The following D2HGDH variants were observed in gnomAD, a reference collection of about 807,000 sequenced individuals.
The protein encoded by D2HGDH is D-2-hydroxyglutarate dehydrogenase.
Under a neutral mutation model 46.9 loss-of-function variants are expected in D2HGDH, and 31 were observed. The ratio of observed to expected loss-of-function variants is 0.66; its 90% CI spans 0.50 to 0.89. The LOEUF (loss-of-function observed/expected upper bound fraction) is 0.89. Ranked by LOEUF, D2HGDH falls within the 40% of genes least tolerant of loss-of-function variation. The pLI is 0.00. For missense variants in D2HGDH, 698 were observed against 720.8 expected (o/e 0.97, Z 0.36); for synonymous variants, 364 against 332.6 (o/e 1.09, Z -1.03).
At chr2:241,755,258 C>A (rs1257049024) in intron 8 of D2HGDH, 1 of 1,226,766 alleles carries the variant, frequency 8.2e-7, no homozygotes. Flanking sequence ...CCCACCATGT[C>A]CTTCCCTCCC....
At position 241,758,767 on chromosome 2, in the gene D2HGDH, A is replaced by ATGTGTGTGTG. The variant is rs768590214; in HGVS notation, c.1306+2754_1306+2755insGTGTGTGTGT. ...TCTATACCGCCCCCCGCCCCACAAT[A>ATGTGTGTGTG]TATGTGTGTGTGTGTGTGTGTGTGT... On this transcript the variant is annotated intron_variant, in intron 9 of 9. Coordinates refer to ENST00000321264, the MANE Select transcript of D2HGDH (RefSeq NM_152783.5). Among the ~76,000 whole-genome samples the ATGTGTGTGTG allele has an allele frequency of 9.0e-3, 957 of 106,086 alleles. 5 individuals are homozygous for ATGTGTGTGTG. The highest frequency in any genetic ancestry group is 0.025 in the East Asian group (87 of 3,450). The allele number at this position is 106,086 out of a possible 152,430, so 69.6% of individuals were successfully genotyped here. A position where few individuals can be genotyped will look rare whatever the true frequency, so the allele number is the denominator to read the frequency against.
chr2:241,763,136 G>A (rs577229101), intron 9 of D2HGDH, among the ~76,000 whole-genome samples: 2 of 152,218 alleles, frequency 1.3e-5, no homozygotes, highest in Non-Finnish European at 2.9e-5. Context: ...GGTGCAGGCC[G>A]CCGTTGCTCG....
rs577896199 is a variant in D2HGDH, at chr2:241,751,252, C to A, written c.1004C>A (p.Pro335Gln). 26 of 1,613,892 alleles carry A rather than the reference C, an allele frequency of 1.6e-5. No homozygotes were observed. The highest frequency in any genetic ancestry group is 2.0e-5 in the Non-Finnish European group (24 of 1,180,034). ...LHLASPVQES[P>Q]FYVLIETSGS... is the part of the protein sequence containing the mutation. ...CTTCCTTGCTCACTTCTAGAGAGTC[C>A]GTTTTACGTCCTCATCGAGACTTCA... The change falls in exon 8 of 10, where the codon CCG (proline) becomes CAG (glutamine). Residue 335 changes from proline to glutamine, a missense_variant. Physicochemically the swap from Pro to Gln is moderately conservative, Grantham distance 76 (BLOSUM62 -1). Transcript: ENST00000321264.
At chr2:241,738,813 A>G (rs1693641187) in intron 2 of D2HGDH, among the ~76,000 whole-genome samples, 1 of 152,122 alleles carries the variant, frequency 6.6e-6, no homozygotes, top group Non-Finnish European at 1.5e-5. Context: ...AATTTCACTC[A>G]TGTTTGAGTC....
At chr2:241,755,446 A>C in intron 8 of D2HGDH, 1 of 1,310,620 alleles carries the variant, frequency 7.6e-7, no homozygotes, top group East Asian at 5.4e-5. Flanking sequence ...GGCCCTTGCC[A>C]CTCTGTGCCG....
In D2HGDH at chr2:241,750,162, T is replaced by A. The variant is rs1696887820; in HGVS notation, c.865T>A (p.Phe289Ile). The A allele has an allele frequency of 1.2e-6, 2 of 1,613,922 alleles. No individual in the cohort carries two copies. The highest frequency in any genetic ancestry group is 2.7e-5 in the African/African-American group (2 of 74,916). The change falls in exon 7 of 10, where the codon TTT becomes ATT. Residue 289 changes from phenylalanine (F) to isoleucine (I), a missense_variant. Phe to Ile is a conservative substitution (Grantham distance 21, BLOSUM62 0). Coordinates refer to ENST00000321264, the MANE Select transcript of D2HGDH (RefSeq NM_152783.5). The stretch of plus-strand genomic sequence containing the variant: ...GTGACCCGTTTCAGGCTGCCCAGGC[T>A]TTGCTGAGGTTCTGCAGACCTTCAG... ...VNVAFLGCPG[F>I]AEVLQTFSTC...
chr2:241,764,683 C>G (rs1428535563), intron 9 of D2HGDH, among the ~76,000 whole-genome samples: 2 of 152,222 alleles, frequency 1.3e-5, no homozygotes, highest in Non-Finnish European at 1.5e-5. Context: ...TTCTCAGTTG[C>G]CTTTGTGGGA....
intron 2 of D2HGDH, among the ~76,000 whole-genome samples, chr2:241,739,702 A>G (rs916762077): frequency 1.3e-5 from 2 of 152,270 alleles, no homozygotes; most frequent in Admixed American, 6.5e-5. Flanking sequence ...GAGGGCTCCC[A>G]CTGGTCACAT....
Position 241,750,151 on chromosome 2 carries a change from G to T in D2HGDH, c.854G>T (p.Gly285Val). Reference sequence around the variant, plus strand: ...CTTGACATGCTGTGACCCGTTTCAGGCTGCCCAGGCTTTGCTGAGGTTCTG... The same window carrying T: ...CTTGACATGCTGTGACCCGTTTCAGTCTGCCCAGGCTTTGCTGAGGTTCTG... The part of the protein sequence containing the change: ...KPRAVNVAFL[G>V]CPGFAEVLQT... The change falls in exon 7 of 10, where the codon GGC (glycine) becomes GTC (valine). Residue 285 changes from glycine (G) to valine (V), a missense_variant and splice_region_variant. Transcript: ENST00000321264. The T allele has an allele frequency of 6.2e-7, 1 of 1,613,996 alleles. No individual in the cohort carries two copies. Among genetic ancestry groups the T allele is most frequent in the Non-Finnish European group, 8.5e-7 (1 of 1,180,022 alleles).
In D2HGDH at chr2:241,735,294, T is replaced by C; in HGVS notation, c.70T>C (p.Trp24Arg). 1 of 1,527,788 alleles carries C rather than the reference T, an allele frequency of 6.5e-7. No individual in the cohort carries two copies. The highest frequency in any genetic ancestry group is 1.2e-5 in the South Asian group (1 of 83,120). 94.6% of individuals were successfully genotyped at this position (1,527,788 alleles called of 1,614,324 possible). ...GGGTGCTCCGGGAGCCGCGGGTTCT[T>C]GGGGTCGGCCGGTTGGCCCCCTGGC... ...LRGAPGAAGS[W>R]GRPVGPLARR... Residue 24 changes from tryptophan to arginine, a missense_variant, in exon 2 of 10, where the codon TGG becomes CGG. Coordinates refer to ENST00000321264, the MANE Select transcript of D2HGDH (RefSeq NM_152783.5).
rs754384138 is a variant in D2HGDH at position 241,742,413 on chromosome 2, G to T, written c.351-22G>T. On this transcript the variant is annotated intron_variant, in intron 3 of 9. Transcript: ENST00000321264. The surrounding 1 kb of genome is among the most constrained non-coding windows in gnomAD (Gnocchi z 4.8). Reference sequence around the variant, plus strand: ...GTAGGGGTGGGGACAGAGCCCCAACGTCCCTCCTGTCCTCATCCCAGGCAC... The same window carrying T: ...GTAGGGGTGGGGACAGAGCCCCAACTTCCCTCCTGTCCTCATCCCAGGCAC... 1.9e-6 allele frequency: 3 copies of T among 1,596,002 alleles called. No homozygotes were observed. In the Admixed American group the frequency reaches 5.2e-5, roughly 28 times the overall value.
chr2:241,737,682 G>C (rs1693305999), intron 2 of D2HGDH, among the ~76,000 whole-genome samples: 1 of 152,132 alleles, frequency 6.6e-6, no homozygotes. Flanking sequence ...CTTGAGCCCA[G>C]GAGTTCAAGA....
chr2:241,755,693 A>C (rs755018664), intron 8 of D2HGDH, 156 bp from the exon 9 acceptor site: 115 of 1,559,312 alleles, frequency 7.4e-5, no homozygotes, highest in Non-Finnish European at 9.6e-5. Context: ...CTGGGGTTGG[A>C]GCCACACCTG....
rs1692405495 is a variant in D2HGDH at position 241,735,140 on chromosome 2, G to A, written c.-85G>A. On this transcript the variant is annotated 5_prime_UTR_variant, in exon 2 of 10. Coordinates refer to ENST00000321264, the MANE Select transcript of D2HGDH (RefSeq NM_152783.5). ...ACCCTTGGCCACTTCCAGGCGCGCA[G>A]CCAGCGGCTCCCTGCCCTTCCCCTC... The A allele has an allele frequency of 2.9e-6, 4 of 1,376,038 alleles. No individual in the cohort carries two copies. The Admixed American group carries it at 9.7e-5, about 33-fold the overall frequency. 85.2% of individuals were successfully genotyped at this position (1,376,038 alleles called of 1,614,324 possible).
intron 9 of D2HGDH, among the ~76,000 whole-genome samples, chr2:241,765,123 G>T (rs947867464): frequency 5.9e-5 from 9 of 152,208 alleles, no homozygotes; most frequent in Admixed American, 5.2e-4. Context: ...AGATAGAGCT[G>T]CCCTGGGCGC....
chr2:241,750,388 GGTGCCCGGGCGGGCGGGT>G, intron 7 of D2HGDH, 94 bp downstream of exon 7: 11 of 1,444,410 alleles, frequency 7.6e-6, no homozygotes, highest in East Asian at 2.5e-5. Flanking sequence ...GTGGGCGGGG[GGTGCCCGGGCGGGCGGGT>G]GGGGGGTCCC....
At chr2:241,739,754 G>A (rs149204343) in intron 2 of D2HGDH, among the ~76,000 whole-genome samples, 5,564 of 152,366 alleles carry the variant, frequency 0.037, 151 homozygotes, top group South Asian at 0.07. Flanking sequence ...TTATAGCCCA[G>A]TGAATAAAGT....
chr2:241,735,058 C>G lies in D2HGDH; in HGVS notation c.-92-75C>G, dbSNP rs149964492. On this transcript the variant is annotated intron_variant, in intron 1 of 9. Coordinates refer to ENST00000321264, the MANE Select transcript of D2HGDH (RefSeq NM_152783.5). ...CCTTCCCTTCGCTGCCCTCCTGCCC[C>G]CTCCCTGCTTCTGCAAGCGTGTTTC... is the stretch of plus-strand genomic sequence containing the variant. 6.8e-3 allele frequency: 5,277 copies of G among 774,552 alleles called. 184 individuals are homozygous for G. In the East Asian group the frequency reaches 0.071, roughly 10 times the overall value. 48.0% of individuals were successfully genotyped at this position (774,552 alleles called of 1,614,324 possible).
In D2HGDH at chr2:241,768,648, A is replaced by G. The variant is rs1699335037; in HGVS notation, c.*679A>G. On this transcript the variant is annotated 3_prime_UTR_variant, in exon 10 of 10. Transcript: ENST00000321264. ...TGAGTTTCGGGTTCTGCTCCTACAA[A>G]GAACGTGCGGTGCTGCGGGCGAGGG... The G allele has an allele frequency of 6.6e-6, 1 of 152,308 alleles. No individual in the cohort carries two copies. Among genetic ancestry groups the G allele is most frequent in the Non-Finnish European group, 1.5e-5 (1 of 68,154 alleles). 9.4% of individuals were successfully genotyped at this position (152,308 alleles called of 1,614,324 possible). A position where few individuals can be genotyped will look rare whatever the true frequency, so the allele number is the denominator to read the frequency against.
Sources: gnomAD v4.1 joint callset for allele counts (sites outside exome capture counted in the v4.1 genomes callset) on GRCh38, gnomAD v4.1.1 for gene constraint, Gnocchi (gnomAD v3.1) non-coding constraint, MANE v1.5 for transcripts, NCBI Gene and HGNC (gene_info 2026-07-23, HGNC 2026-07-21) for gene names.